Variants in CFAP299 observed in about 807,000 individuals in gnomAD.
CFAP299 encodes the protein cilia and flagella associated protein 299, also known as cilia- and flagella-associated protein 299.
A neutral mutation model predicts 27.0 loss-of-function variants in CFAP299; 21 were observed. The observed-to-expected ratio is 0.78, with a 90% CI of 0.55 to 1.12. The LOEUF is 1.12. Among genes scored for constraint, CFAP299 ranks in the 50% most tolerant of loss-of-function variants. CFAP299 has a pLI of 0.00. For missense variants in CFAP299, 310 were observed against 276.6 expected, an observed-to-expected ratio of 1.12 and a Z score of -0.86; for synonymous variants, 104 against 98.1, an observed-to-expected ratio of 1.06 and a Z score of -0.36.
intron 3 of CFAP299, among the ~76,000 whole-genome samples, chr4:80,858,097 T>A (rs976555350): frequency 4.6e-5 from 7 of 152,210 alleles, no homozygotes; most frequent in South Asian, 4.1e-4. Flanking sequence ...CTGTTATTGG[T>A]CTATTCAGAG....
At chr4:80,853,658 G>T (rs1731655757) in intron 3 of CFAP299, among the ~76,000 whole-genome samples, 1 of 152,172 alleles carries the variant, frequency 6.6e-6, no homozygotes, top group Non-Finnish European at 1.5e-5. Context: ...TGGGAATCAG[G>T]TTGGAAAAAT....
chr4:80,868,280 T>G (rs1732864899), intron 3 of CFAP299, among the ~76,000 whole-genome samples: 1 of 152,210 alleles, frequency 6.6e-6, no homozygotes, highest in South Asian at 2.1e-4. Context: ...CTAGAATCAC[T>G]TCCTTTTGCC....
intron 3 of CFAP299, among the ~76,000 whole-genome samples, chr4:80,786,271 G>A (rs945738173): frequency 1.3e-5 from 2 of 152,078 alleles, no homozygotes; most frequent in East Asian, 1.9e-4. Flanking sequence ...ATAGTTTGGG[G>A]TGGAGAGGAG....
chr4:80,411,243 C>T (rs1726705299), intron 2 of CFAP299, among the ~76,000 whole-genome samples: 1 of 152,146 alleles, frequency 6.6e-6, no homozygotes. Flanking sequence ...TTGAAAACTT[C>T]CACAGTGAAC....
At chr4:80,590,111 AT>A (rs1427940927) in intron 3 of CFAP299, among the ~76,000 whole-genome samples, 1 of 152,194 alleles carries the variant, frequency 6.6e-6, no homozygotes, top group East Asian at 1.9e-4. Context: ...AATGCAAAAA[AT>A]ATAGGTATTA....
intron 4 of CFAP299, among the ~76,000 whole-genome samples, chr4:80,936,616 C>T (rs764529668): frequency 7.2e-5 from 11 of 151,830 alleles, no homozygotes; most frequent in Admixed American, 1.3e-4. Context: ...AGGGGAACAA[C>T]GGACACTGAG....
At chr4:80,711,264 G>C (rs994675454) in intron 3 of CFAP299, among the ~76,000 whole-genome samples, 1 of 152,182 alleles carries the variant, frequency 6.6e-6, no homozygotes, top group African/African-American at 2.4e-5. Flanking sequence ...GCTGGACTAA[G>C]TAGCCAAGAC....
chr4:80,858,182 A>G (rs1471913201), intron 3 of CFAP299, among the ~76,000 whole-genome samples: 1 of 152,176 alleles, frequency 6.6e-6, no homozygotes, highest in East Asian at 1.9e-4. Flanking sequence ...TAGATTGTCT[A>G]GTTCATTTGC....
intron 3 of CFAP299, among the ~76,000 whole-genome samples, chr4:80,753,031 T>A (rs1351628797): frequency 6.6e-6 from 1 of 152,016 alleles, no homozygotes; most frequent in African/African-American, 2.4e-5. Flanking sequence ...AATGCAAATA[T>A]TAAAAAAAAA....
At chr4:80,530,818 A>C (rs909752548) in intron 2 of CFAP299, among the ~76,000 whole-genome samples, 3 of 152,234 alleles carry the variant, frequency 2.0e-5, no homozygotes, top group Non-Finnish European at 2.9e-5. Flanking sequence ...CTCCAGGCAG[A>C]GTGAAAACAT....
chr4:80,544,223 A>C (rs1734128778), intron 2 of CFAP299, among the ~76,000 whole-genome samples: 1 of 152,236 alleles, frequency 6.6e-6, no homozygotes, highest in South Asian at 2.1e-4. Context: ...CATAAAAATG[A>C]AAGAACAATA....
chr4:80,877,195 C>CA (rs763347867), intron 4 of CFAP299, among the ~76,000 whole-genome samples: 1 of 151,920 alleles, frequency 6.6e-6, no homozygotes, highest in Non-Finnish European at 1.5e-5. Context: ...AACTGTGGTT[C>CA]AAAAAAATTT....
At chr4:80,529,399 A>C (rs1002510370) in intron 2 of CFAP299, among the ~76,000 whole-genome samples, 1 of 152,194 alleles carries the variant, frequency 6.6e-6, no homozygotes, top group East Asian at 1.9e-4. Context: ...CTTATGTTTT[A>C]AACATTGACT....
At position 80,962,600 on chromosome 4, in the gene CFAP299, A is replaced by G. The variant is rs544563561; in HGVS notation, c.607-917A>G. ...AGTTGTAAAATAACACAAAAACAAT[A>G]AAAAGCAAAACTAACTTAGATGGGG... On this transcript the variant is annotated intron_variant, in intron 5 of 5. Transcript: ENST00000358105. Among the ~76,000 whole-genome samples the G allele has an allele frequency of 3.3e-5, 5 of 152,114 alleles. No homozygotes were observed. In the South Asian group the frequency reaches 1.0e-3, roughly 31 times the overall value.
chr4:80,599,986 A>G (rs1482556927), intron 3 of CFAP299, among the ~76,000 whole-genome samples: 2 of 152,142 alleles, frequency 1.3e-5, no homozygotes. Context: ...GGGAAAAATT[A>G]GTAATTCATG....
intron 2 of CFAP299, among the ~76,000 whole-genome samples, chr4:80,407,586 C>T (rs73829279): frequency 0.042 from 6,351 of 152,172 alleles, 413 homozygotes; most frequent in African/African-American, 0.14. Context: ...TCTTTCTGTA[C>T]GAGTTTGTTC....
chr4:80,492,440 C>T (rs1412331139), intron 2 of CFAP299, among the ~76,000 whole-genome samples: 2 of 152,096 alleles, frequency 1.3e-5, no homozygotes, highest in East Asian at 1.9e-4. Flanking sequence ...CATATGATGG[C>T]TCATCATGAT....
chr4:80,861,166 G>A (rs756932461), intron 3 of CFAP299, among the ~76,000 whole-genome samples: 5 of 152,206 alleles, frequency 3.3e-5, no homozygotes, highest in Non-Finnish European at 7.3e-5. Flanking sequence ...ATCTCAGACT[G>A]CTATGCTAGC....
At chr4:80,527,828 A>G (rs1215284612) in intron 2 of CFAP299, among the ~76,000 whole-genome samples, 1 of 152,178 alleles carries the variant, frequency 6.6e-6, no homozygotes, top group African/African-American at 2.4e-5. Context: ...TGTTATATAA[A>G]GAAAAGAATT....
Sources: gnomAD v4.1 joint callset for allele counts (sites outside exome capture counted in the v4.1 genomes callset) on GRCh38, gnomAD v4.1.1 for gene constraint, MANE v1.5 for transcripts, NCBI Gene and HGNC (gene_info 2026-07-23, HGNC 2026-07-21) for gene names.